The following DNAJC7 variants were observed in gnomAD, a reference collection of about 807,000 sequenced individuals.
DNAJC7 encodes dnaJ homolog subfamily C member 7.
A neutral mutation model predicts 67.4 loss-of-function variants in DNAJC7; 18 were observed. The ratio of observed to expected loss-of-function variants is 0.27; its 90% CI spans 0.18 to 0.40. The LOEUF (loss-of-function observed/expected upper bound fraction) is 0.40, where lower values mean the gene tolerates loss of function less well. DNAJC7 is among the 10% of genes least tolerant of loss of function. DNAJC7 has a pLI of 1.00. For missense variants in DNAJC7, 419 were observed against 613.8 expected (o/e 0.68, Z 3.35); for synonymous variants, 220 against 207.8 (o/e 1.06, Z -0.50).
chr17:42,002,557 A>G (rs2051836675), intron 1 of DNAJC7, among the ~76,000 whole-genome samples: 1 of 152,214 alleles, frequency 6.6e-6, no homozygotes, highest in Non-Finnish European at 1.5e-5. Flanking sequence ...CTTTCCATAC[A>G]GTATCCTCTA....
At chr17:41,998,139 A>C (rs534960685) in intron 2 of DNAJC7, among the ~76,000 whole-genome samples, 40 of 152,136 alleles carry the variant, frequency 2.6e-4, no homozygotes, top group African/African-American at 9.6e-4. Context: ...TTGGGATTAC[A>C]GGAGTGAGCT....
Position 42,017,339 on chromosome 17 carries a change from C to T in DNAJC7, c.77+1G>A, listed in dbSNP as rs1555652120. ...CCTCTACTACCCTGCTACCCGGTTA[C>T]CTCTTCGCCTCTTGGTCGTCGAGCA... On this transcript the variant is annotated splice_donor_variant, in intron 1 of 13. Coordinates refer to ENST00000457167, the MANE Select transcript of DNAJC7 (RefSeq NM_003315.4). LOFTEE classifies it high-confidence loss of function. 1 of 1,611,696 alleles carries T rather than the reference C, an allele frequency of 6.2e-7. No individual in the cohort carries two copies. The highest frequency in any genetic ancestry group is 8.5e-7 in the Non-Finnish European group (1 of 1,179,890).
In DNAJC7 at chr17:41,987,954, T is replaced by C. The variant is rs538448406; in HGVS notation, c.919-44A>G. On this transcript the variant is annotated intron_variant, in intron 8 of 13. Transcript: ENST00000457167. ...AATCATACTTCACACCTTTGGTGAC[T>C]GAGGGAGCCCAGAAGCTGTGAGCAT... The C allele has an allele frequency of 7.1e-5, 110 of 1,539,400 alleles. No homozygotes were observed. In the South Asian group the frequency reaches 1.2e-3, roughly 17 times the overall value.
chr17:41,994,542 AAAAG>A (rs1372280483), intron 5 of DNAJC7, among the ~76,000 whole-genome samples: 83 of 151,642 alleles, frequency 5.5e-4, no homozygotes, highest in African/African-American at 1.9e-3. Context: ...AAAAAAAAAA[AAAAG>A]ATTATCCAAA....
rs1555647598 is a variant in DNAJC7 at position 41,990,361 on chromosome 17, C to T, written c.502G>A (p.Ala168Thr). The T allele has an allele frequency of 6.2e-7, 1 of 1,609,910 alleles. No individual in the cohort carries two copies. Among genetic ancestry groups the T allele is most frequent in the Non-Finnish European group, 8.5e-7 (1 of 1,178,076 alleles). Residue 168 changes from alanine to threonine, a missense_variant, in exon 6 of 14, where the codon GCC becomes ACC. Physicochemically the swap from Ala to Thr is moderately conservative, Grantham distance 58 (BLOSUM62 0). Coordinates refer to ENST00000457167, the MANE Select transcript of DNAJC7 (RefSeq NM_003315.4). Reference sequence around the variant, plus strand: ...TGGCAGGCAGGGGCAAATTCTAGGGCACGGTCCATGCAGAAAACAACCTGT... The same window carrying T: ...TGGCAGGCAGGGGCAAATTCTAGGGTACGGTCCATGCAGAAAACAACCTGT... ...FRKVVFCMDR[A>T]LEFAPACHRF...
chr17:42,014,052 G>C (rs1555651455), intron 1 of DNAJC7: 1 of 151,838 alleles, frequency 6.6e-6, no homozygotes, highest in Non-Finnish European at 1.5e-5. Context: ...GCCTGCTTTA[G>C]CCTCCCAAAG....
At chr17:42,003,469 C>G (rs1249790349) in intron 1 of DNAJC7, 2 of 152,218 alleles carry the variant, frequency 1.3e-5, no homozygotes, top group Non-Finnish European at 2.9e-5. Context: ...CATTCAAGTC[C>G]TGCCCTGGAA....
chr17:41,991,677 C>T (rs1251590920), intron 5 of DNAJC7, among the ~76,000 whole-genome samples: 1 of 152,034 alleles, frequency 6.6e-6, no homozygotes, highest in Non-Finnish European at 1.5e-5. Flanking sequence ...TACTTTCTAA[C>T]TTTTGTTTGT....
At position 42,017,404 on chromosome 17, in the gene DNAJC7, C is replaced by G; in HGVS notation, c.13G>C (p.Ala5Pro). The G allele has an allele frequency of 6.2e-7, 1 of 1,608,454 alleles. No homozygotes were observed. The change falls in exon 1 of 14, where the codon GCG becomes CCG. Residue 5 changes from alanine (A) to proline (P), a missense_variant. Ala to Pro is a conservative substitution (Grantham distance 27). Around this residue, in one of 4 missense-constraint regions of DNAJC7, gnomAD observed 63 missense variants for 54.0 expected, o/e 1.17. Transcript: ENST00000457167. Reference protein sequence around the residue: MAAAAECDVVMAATE... With the variant: MAAAPECDVVMAATE... ...GCCGCCATTACCACATCGCACTCCGCGGCAGCCGCCATCTTACCGCCGGGA... is the reference window on the plus strand; with the variant it reads ...GCCGCCATTACCACATCGCACTCCGGGGCAGCCGCCATCTTACCGCCGGGA...
At chr17:42,002,157 C>T (rs898792349) in intron 1 of DNAJC7, among the ~76,000 whole-genome samples, 1 of 152,100 alleles carries the variant, frequency 6.6e-6, no homozygotes, top group Non-Finnish European at 1.5e-5. Flanking sequence ...GCAGACATGC[C>T]AAGGGATTTG....
chr17:41,989,208 C>T (rs1025425123), intron 7 of DNAJC7, among the ~76,000 whole-genome samples, 196 bp downstream of exon 7: 8 of 152,172 alleles, frequency 5.3e-5, no homozygotes, highest in African/African-American at 1.4e-4. Context: ...TAAAGGCATC[C>T]GACCCTATAT....
chr17:42,003,891 C>T (rs2051873469), intron 1 of DNAJC7, among the ~76,000 whole-genome samples: 1 of 150,406 alleles, frequency 6.6e-6, no homozygotes, highest in African/African-American at 2.4e-5. Context: ...CTATTAACAA[C>T]TACAATATAT....
At chr17:41,981,049 G>A (rs2051236097) in intron 12 of DNAJC7, among the ~76,000 whole-genome samples, 1 of 151,942 alleles carries the variant, frequency 6.6e-6, no homozygotes, top group South Asian at 2.1e-4. Flanking sequence ...CTTTTTTAGT[G>A]GGGAGGGATG....
At chr17:41,986,047 T>TAAAAAAAAAAAAAAAAG (rs2051366430) in intron 9 of DNAJC7, 1 of 32,550 alleles carries the variant, frequency 3.1e-5, no homozygotes, top group Non-Finnish European at 5.3e-5. Flanking sequence ...GGGGCTTGCT[T>TAAAAAAAAAAAAAAAAG]AAAAAAAAAA....
intron 10 of DNAJC7, among the ~76,000 whole-genome samples, chr17:41,983,113 T>C (rs1272856848): frequency 6.6e-6 from 1 of 151,124 alleles, no homozygotes; most frequent in Admixed American, 6.6e-5. Context: ...ATCTGTTCAC[T>C]TTTTTTTTCT....
In DNAJC7 at chr17:42,000,699, T is replaced by C. The variant is rs1230377006; in HGVS notation, c.78-129A>G. The C allele has an allele frequency of 7.8e-6, 5 of 643,180 alleles. No homozygotes were observed. The South Asian group carries it at 9.1e-5, about 12-fold the overall frequency. 39.8% of individuals were successfully genotyped at this position (643,180 alleles called of 1,614,324 possible). On this transcript the variant is annotated intron_variant, in intron 1 of 13. Coordinates refer to ENST00000457167, the MANE Select transcript of DNAJC7 (RefSeq NM_003315.4). ...GAAAGTTAGTGTGATACTTGAAGGATTTATAGATTTGTTGAATAGGCCAAT... is the reference window on the plus strand; with the variant it reads ...GAAAGTTAGTGTGATACTTGAAGGACTTATAGATTTGTTGAATAGGCCAAT...
intron 1 of DNAJC7, chr17:42,014,331 C>A (rs1175097797): frequency 6.7e-6 from 1 of 148,464 alleles, no homozygotes; most frequent in Non-Finnish European, 1.5e-5. Context: ...CTACGCCCAG[C>A]TATTTTTTCT....
In DNAJC7 at chr17:41,976,769, T is replaced by A. The variant is rs781995338; in HGVS notation, c.1449A>T (p.Ala483=). The A allele has an allele frequency of 3.7e-6, 6 of 1,610,880 alleles. No homozygotes were observed. In the East Asian group the frequency reaches 1.1e-4, roughly 30 times the overall value. ...FGGPGGFSFE[A]SGPGNFFFQF... Reference sequence around the variant, plus strand: ...GAAAAAAGAAATTCCCTGGACCAGATGCTGAAAGAGAAAAGAGGGGTTGGT... The same window carrying A: ...GAAAAAAGAAATTCCCTGGACCAGAAGCTGAAAGAGAAAAGAGGGGTTGGT... The change falls in exon 14 of 14, where the codon GCA becomes GCT. Residue 483 remains alanine (A), a splice_region_variant and synonymous_variant. Transcript: ENST00000457167.
chr17:42,003,873 T>C lies in DNAJC7; in HGVS notation c.78-3303A>G, dbSNP rs576440535. ...AATATAGACTTGGCCATAACTGACC[T>C]GATGGTACTATTAACAACTACAATA... On this transcript the variant is annotated intron_variant, in intron 1 of 13. Coordinates refer to ENST00000457167, the MANE Select transcript of DNAJC7 (RefSeq NM_003315.4). Among the ~76,000 whole-genome samples the C allele has an allele frequency of 1.3e-4, 20 of 151,952 alleles. No individual in the cohort carries two copies. In the East Asian group the frequency reaches 3.9e-3, roughly 29 times the overall value.
Sources: allele counts gnomAD v4.1 joint callset (sites outside exome capture counted in the v4.1 genomes callset), GRCh38; gene constraint gnomAD v4.1.1; regional missense constraint gnomAD v4.1.1; transcripts MANE v1.5; gene names NCBI Gene and HGNC (gene_info 2026-07-23, HGNC 2026-07-21).